FRMD3: variants seen among roughly 807,000 people sequenced by gnomAD.
FRMD3 encodes FERM domain-containing protein 3.
A neutral mutation model predicts 70.2 loss-of-function variants in FRMD3; 33 were observed. The ratio of observed to expected loss-of-function variants is 0.47; its 90% CI spans 0.36 to 0.63. The LOEUF is 0.63. Ranked by LOEUF, FRMD3 falls within the 20% of genes least tolerant of loss-of-function variation. The probability of loss-of-function intolerance (pLI) is 0.00; values close to 1 mark genes in which losing one functional copy is unlikely to be tolerated. For missense variants in FRMD3, 632 were observed against 711.4 expected (o/e 0.89, Z 1.27); for synonymous variants, 279 against 255.9 (o/e 1.09, Z -0.86).
chr9:83,469,321 G>C (rs747828405), intron 1 of FRMD3, among the ~76,000 whole-genome samples: 2 of 152,178 alleles, frequency 1.3e-5, no homozygotes, highest in African/African-American at 4.8e-5. Flanking sequence ...TATGCCAAAA[G>C]CAATCCAGTA....
At chr9:83,261,141 A>ACACACACACACACACAC (rs1554677851) in intron 13 of FRMD3, among the ~76,000 whole-genome samples, 5 of 148,008 alleles carry the variant, frequency 3.4e-5, no homozygotes, top group African/African-American at 5.1e-5. Flanking sequence ...ACACACACAC[A>ACACACACACACACACAC]GCAGATCCTA....
chr9:83,343,374 A>T, intron 4 of FRMD3, 87 bp from the exon 5 acceptor site: 1 of 885,752 alleles, frequency 1.1e-6, no homozygotes, highest in Non-Finnish European at 1.9e-6. Flanking sequence ...TCCCATGGTG[A>T]CCAGAGCTTT....
chr9:83,539,114 T>G (rs1473179009), upstream of FRMD3, among the ~76,000 whole-genome samples: 1 of 152,186 alleles, frequency 6.6e-6, no homozygotes, highest in Non-Finnish European at 1.5e-5. Context: ...GCAAGAGGGA[T>G]AGGTTCCTAT....
rs191697934 is a variant in FRMD3 at position 83,312,987 on chromosome 9, C to T, written c.684+673G>A. Among the ~76,000 whole-genome samples the T allele has an allele frequency of 4.6e-4, 70 of 152,324 alleles. 1 individual carries two copies. The East Asian group carries it at 9.8e-3, about 21-fold the overall frequency. ...ACTTAAGAGCCTAACTGATAAAATGCTTAGTTTAGGATTAGGACTAGTGTC... is the reference window on the plus strand; with the variant it reads ...ACTTAAGAGCCTAACTGATAAAATGTTTAGTTTAGGATTAGGACTAGTGTC... On this transcript the variant is annotated intron_variant, in intron 7 of 13. Coordinates refer to ENST00000304195, the MANE Select transcript of FRMD3 (RefSeq NM_174938.6).
Position 83,425,918 on chromosome 9 carries a change from A to AC in FRMD3, c.148-36211_148-36210insG, listed in dbSNP as rs1256758447. Among the ~76,000 whole-genome samples the AC allele has an allele frequency of 4.9e-4, 74 of 151,148 alleles. 2 individuals are homozygous for AC. Among genetic ancestry groups the AC allele is most frequent in the African/African-American group, 1.7e-3 (72 of 41,262 alleles). On this transcript the variant is annotated intron_variant, in intron 1 of 13. Coordinates refer to ENST00000304195, the MANE Select transcript of FRMD3 (RefSeq NM_174938.6). ...GTAAAACTCCGTCTCAAAAAAAAAA[A>AC]AAAAAAAAAACAACCTTCCTGGCCC...
At chr9:83,467,877 T>C in intron 1 of FRMD3, 1 of 1,104,714 alleles carries the variant, frequency 9.1e-7, no homozygotes, top group South Asian at 2.2e-5. Flanking sequence ...AAACATGAGA[T>C]GCTTTTAATT....
At chr9:83,283,437 A>C (rs1351651012) in intron 13 of FRMD3, among the ~76,000 whole-genome samples, 1 of 151,876 alleles carries the variant, frequency 6.6e-6, no homozygotes, top group Non-Finnish European at 1.5e-5. Context: ...AGGCTGAGGC[A>C]GGAGAATGGC....
chr9:83,392,846 T>C (rs1825704656), intron 1 of FRMD3, among the ~76,000 whole-genome samples: 1 of 152,184 alleles, frequency 6.6e-6, no homozygotes, highest in Admixed American at 6.5e-5. Flanking sequence ...TAAAAGGATT[T>C]CTTTTTAATG....
At chr9:83,396,880 A>G (rs529728205) in intron 1 of FRMD3, among the ~76,000 whole-genome samples, 46 of 152,338 alleles carry the variant, frequency 3.0e-4, no homozygotes, top group Non-Finnish European at 6.2e-4. Flanking sequence ...AGGTAAATCA[A>G]TGCCTCAGGC....
chr9:83,300,762 A>G (rs1419541448), intron 10 of FRMD3, among the ~76,000 whole-genome samples: 1 of 152,222 alleles, frequency 6.6e-6, no homozygotes, highest in African/African-American at 2.4e-5. Flanking sequence ...ATTACTACAC[A>G]CACACATATT....
intron 1 of FRMD3, among the ~76,000 whole-genome samples, chr9:83,532,706 C>A (rs1378337836): frequency 6.6e-6 from 1 of 152,146 alleles, no homozygotes; most frequent in African/African-American, 2.4e-5. Context: ...AGGAAAAATG[C>A]CAGATGCATA....
chr9:83,573,131 CTATT>C, the FRMD3 span, among the ~76,000 whole-genome samples: 228 of 152,116 alleles, frequency 1.5e-3, 1 homozygote, highest in Middle Eastern at 0.02. Context: ...TCTTATTTTC[CTATT>C]TATTTATGTT....
chr9:83,571,359 C>T, the FRMD3 span, among the ~76,000 whole-genome samples: 3 of 152,170 alleles, frequency 2.0e-5, no homozygotes, highest in African/African-American at 4.8e-5. Flanking sequence ...AGCATCTTTT[C>T]TTTATAAATT....
intron 6 of FRMD3, among the ~76,000 whole-genome samples, chr9:83,316,812 A>C (rs922656423): frequency 1.3e-5 from 2 of 152,154 alleles, no homozygotes; most frequent in Non-Finnish European, 2.9e-5. Flanking sequence ...AGATCTCTGG[A>C]AGGTTTTCTT....
rs779647731 is a variant in FRMD3, at chr9:83,435,516, C to T, written c.148-45808G>A. ...GAGTCCTACCCTAAACCACAGCCGTCGTTGAGAAGGCACAGAGTCCTTCCC... is the reference window on the plus strand; with the variant it reads ...GAGTCCTACCCTAAACCACAGCCGTTGTTGAGAAGGCACAGAGTCCTTCCC... On this transcript the variant is annotated intron_variant, in intron 1 of 13. Transcript: ENST00000304195. Among the ~76,000 whole-genome samples, 12 of 152,198 alleles carry T rather than the reference C, an allele frequency of 7.9e-5. No individual in the cohort carries two copies. The South Asian group carries it at 1.7e-3, about 21-fold the overall frequency.
intron 6 of FRMD3, among the ~76,000 whole-genome samples, chr9:83,315,703 A>G (rs946807859): frequency 6.6e-6 from 1 of 152,112 alleles, no homozygotes; most frequent in Non-Finnish European, 1.5e-5. Flanking sequence ...AAACCTCTTA[A>G]TTACCCAGTC....
chr9:83,403,169 G>T (rs1455721181), intron 1 of FRMD3, among the ~76,000 whole-genome samples: 1 of 151,960 alleles, frequency 6.6e-6, no homozygotes, highest in Non-Finnish European at 1.5e-5. Context: ...CTCCCAAAGT[G>T]CTGGACTTAC....
intron 13 of FRMD3, among the ~76,000 whole-genome samples, chr9:83,257,419 C>T (rs999112242): frequency 3.7e-4 from 56 of 152,040 alleles, no homozygotes; most frequent in African/African-American, 1.1e-3. Context: ...ATGCTGAGCC[C>T]TAGGTGATGG....
intron 3 of FRMD3, among the ~76,000 whole-genome samples, chr9:83,354,962 T>G (rs1371581936): frequency 6.6e-6 from 1 of 152,182 alleles, no homozygotes; most frequent in Non-Finnish European, 1.5e-5. Flanking sequence ...GGGTCATCTT[T>G]AACCCCAAGT....
Sources: allele counts gnomAD v4.1 joint callset (sites outside exome capture counted in the v4.1 genomes callset), GRCh38; gene constraint gnomAD v4.1.1; transcripts MANE v1.5; gene names NCBI Gene and HGNC (gene_info 2026-07-23, HGNC 2026-07-21).